The following ZNF514 variants were observed in gnomAD, a reference collection of about 807,000 sequenced individuals.
The protein encoded by ZNF514 is zinc finger protein 514.
In ZNF514, 12 loss-of-function variants were observed where a neutral mutation model predicts 9.7. The ratio of observed to expected loss-of-function variants is 1.24; its 90% CI spans 0.79 to 2.01. The LOEUF (loss-of-function observed/expected upper bound fraction) is 2.01. ZNF514 is among the 30% of genes most tolerant of loss of function. ZNF514 has a pLI of 0.00. For synonymous variants in ZNF514, 158 were observed against 163.7 expected, an observed-to-expected ratio of 0.97 and a Z score of 0.27; for missense variants, 467 against 465.5, an observed-to-expected ratio of 1.00 and a Z score of -0.03.
rs544078446 is a variant in ZNF514, at chr2:95,147,615, T to C, written c.*1667A>G. 1 of 152,034 alleles carries C rather than the reference T, an allele frequency of 6.6e-6. No individual in the cohort carries two copies. Among genetic ancestry groups the C allele is most frequent in the South Asian group, 2.1e-4 (1 of 4,824 alleles). 9.4% of individuals were successfully genotyped at this position (152,034 alleles called of 1,614,324 possible). ...AATCACGTTTTTGAGATCTGGATTGTGCATAATACCCATATTTTAGTTGTT... is the reference window on the plus strand; with the variant it reads ...AATCACGTTTTTGAGATCTGGATTGCGCATAATACCCATATTTTAGTTGTT... On this transcript the variant is annotated 3_prime_UTR_variant, in exon 5 of 5. Coordinates refer to ENST00000295208, the MANE Select transcript of ZNF514 (RefSeq NM_032788.3).
intron 1 of ZNF514, among the ~76,000 whole-genome samples, chr2:95,158,051 A>C (rs1673734850): frequency 6.6e-6 from 1 of 152,132 alleles, no homozygotes; most frequent in Non-Finnish European, 1.5e-5. Flanking sequence ...ACTAACCCAA[A>C]CCATGCCAGA....
chr2:95,152,692 A>C lies in ZNF514; in HGVS notation c.199T>G (p.Ser67Ala). The change falls in exon 4 of 5, where the codon TCA becomes GCA. Residue 67 changes from serine to alanine, a missense_variant. Ser to Ala is a moderately conservative substitution (Grantham distance 99). Coordinates refer to ENST00000295208, the MANE Select transcript of ZNF514 (RefSeq NM_032788.3). The stretch of plus-strand genomic sequence containing the variant: ...CACTCACCTGAGTGGGCTCCTGTTG[A>C]GATTTCTCTCTCCACCATGAAGGGC... The part of the protein sequence containing the change: ...GEPFMVEREI[S>A]TGAHSDWKRR... The C allele has an allele frequency of 6.2e-7, 1 of 1,614,142 alleles. No homozygotes were observed. Among genetic ancestry groups the C allele is most frequent in the Non-Finnish European group, 8.5e-7 (1 of 1,180,002 alleles).
chr2:95,156,296 C>T (rs767001222), intron 2 of ZNF514, among the ~76,000 whole-genome samples: 7 of 152,162 alleles, frequency 4.6e-5, no homozygotes, highest in Non-Finnish European at 8.8e-5. Flanking sequence ...AGAGACAAAC[C>T]TGAATCCCCC....
At chr2:95,125,214 T>C in the ZNF514 span, among the ~76,000 whole-genome samples, 6 of 145,622 alleles carry the variant, frequency 4.1e-5, no homozygotes, top group Non-Finnish European at 7.5e-5. Flanking sequence ...ACACATAACA[T>C]AAAAATTGCC....
intron 3 of ZNF514, 111 bp from the exon 4 acceptor site, chr2:95,152,880 C>T (rs1673582838): frequency 3.7e-6 from 4 of 1,091,288 alleles, no homozygotes; most frequent in Non-Finnish European, 5.5e-6. Context: ...CTCCAGAGAA[C>T]AGGCATTGTG....
At chr2:95,124,158 A>G in the ZNF514 span, among the ~76,000 whole-genome samples, 3 of 152,322 alleles carry the variant, frequency 2.0e-5, no homozygotes, top group Non-Finnish European at 4.4e-5. Flanking sequence ...TCTATCTCCA[A>G]GATCACCTGT....
At chr2:95,158,717 G>C (rs1460178510) in intron 1 of ZNF514, 3 of 925,020 alleles carry the variant, frequency 3.2e-6, no homozygotes, top group Middle Eastern at 6.9e-4. Flanking sequence ...CTGGCCATTG[G>C]GACAATTTTC....
intron 1 of ZNF514, chr2:95,159,028 T>C (rs759883649): frequency 8.0e-7 from 1 of 1,246,216 alleles, no homozygotes; most frequent in Admixed American, 2.5e-5. Flanking sequence ...TCCAAATCTC[T>C]GTCTTTCGGC....
the ZNF514 span, among the ~76,000 whole-genome samples, chr2:95,131,655 A>C: frequency 6.6e-6 from 1 of 152,228 alleles, no homozygotes; most frequent in Non-Finnish European, 1.5e-5. Context: ...ACAATGCCCA[A>C]CTTATTTTTT....
chr2:95,159,720 C>A lies in ZNF514; in HGVS notation c.-576G>T, dbSNP rs1374698586. On this transcript the variant is annotated 5_prime_UTR_variant, in exon 1 of 5. Transcript: ENST00000295208. ...CCCGCGCCAGCCCCCGCGTCCGCCC[C>A]GCGCCAGCCCCCGCGTCCGCCCCGC... is the stretch of plus-strand genomic sequence containing the variant. The A allele has an allele frequency of 7.1e-6, 1 of 141,094 alleles. No individual in the cohort carries two copies. The highest frequency in any genetic ancestry group is 1.6e-5 in the Non-Finnish European group (1 of 63,804). 8.7% of individuals were successfully genotyped at this position (141,094 alleles called of 1,614,324 possible).
intron 2 of ZNF514, chr2:95,155,606 G>A (rs562566240): frequency 9.2e-5 from 14 of 152,332 alleles, no homozygotes; most frequent in Non-Finnish European, 1.8e-4. Context: ...GCAGCTCTTG[G>A]GTTATTTCTC....
the ZNF514 span, among the ~76,000 whole-genome samples, chr2:95,134,542 A>G: frequency 6.6e-6 from 1 of 152,172 alleles, no homozygotes; most frequent in African/African-American, 2.4e-5. Context: ...TATTCACAGG[A>G]CTGTGCACCC....
At chr2:95,135,946 C>G in the ZNF514 span, among the ~76,000 whole-genome samples, 1 of 151,852 alleles carries the variant, frequency 6.6e-6, no homozygotes, top group South Asian at 2.1e-4. Flanking sequence ...GGCCTGTAGT[C>G]CCAGCTACTC....
At chr2:95,136,255 T>C in the ZNF514 span, among the ~76,000 whole-genome samples, 3 of 152,016 alleles carry the variant, frequency 2.0e-5, no homozygotes, top group Non-Finnish European at 4.4e-5. Context: ...TAATTAAACA[T>C]CTACAATGCT....
At position 95,153,535 on chromosome 2, in the gene ZNF514, C is replaced by T. The variant is rs145644866; in HGVS notation, c.-6-276G>A. On this transcript the variant is annotated intron_variant, in intron 2 of 4. Coordinates refer to ENST00000295208, the MANE Select transcript of ZNF514 (RefSeq NM_032788.3). ...ATAAAGTATTTTTGAAACTTGTGAC[C>T]TATGATTCTGACAACAATAAGGCCA... 3.2e-5 allele frequency: 8 copies of T among 249,572 alleles called. No homozygotes were observed. The East Asian group carries it at 6.2e-4, about 19-fold the overall frequency. The allele number at this position is 249,572 out of a possible 1,614,324, so 15.5% of individuals were successfully genotyped here.
chr2:95,158,516 T>C (rs752568237), intron 1 of ZNF514, among the ~76,000 whole-genome samples: 1 of 152,208 alleles, frequency 6.6e-6, no homozygotes, highest in South Asian at 2.1e-4. Context: ...CCATGTACAC[T>C]GCTGACCTTA....
intron 2 of ZNF514, chr2:95,155,661 T>C (rs1439553037): frequency 6.6e-6 from 1 of 152,222 alleles, no homozygotes; most frequent in Non-Finnish European, 1.5e-5. Flanking sequence ...TGAACATCTA[T>C]GGGTAAGAAA....
chr2:95,128,307 T>C, the ZNF514 span, among the ~76,000 whole-genome samples: 5 of 151,836 alleles, frequency 3.3e-5, no homozygotes, highest in South Asian at 1.0e-3. Flanking sequence ...GGAGAATCAC[T>C]TGAACCTGGG....
downstream of ZNF514, among the ~76,000 whole-genome samples, chr2:95,143,527 G>A (rs557253246): frequency 4.6e-5 from 7 of 152,208 alleles, no homozygotes; most frequent in Non-Finnish European, 8.8e-5. Context: ...GCTGAGGCAG[G>A]AGAATTGCTT....
Sources: allele counts gnomAD v4.1 joint callset (sites outside exome capture counted in the v4.1 genomes callset), GRCh38; gene constraint gnomAD v4.1.1; transcripts MANE v1.5; gene names NCBI Gene and HGNC (gene_info 2026-07-23, HGNC 2026-07-21).